Variants in AKAP6 observed in about 807,000 individuals in gnomAD.
AKAP6 encodes the protein A-kinase anchoring protein 6, also known as A-kinase anchor protein 6.
In AKAP6, 58 loss-of-function variants were observed where a neutral mutation model predicts 188.5. The observed-to-expected ratio is 0.31, with a 90% CI of 0.25 to 0.38. The LOEUF (loss-of-function observed/expected upper bound fraction) is 0.38. AKAP6 is among the 10% of genes least tolerant of loss of function. AKAP6 has a pLI of 1.00. For synonymous variants in AKAP6, 989 were observed against 998.6 expected, an observed-to-expected ratio of 0.99 and a Z score of 0.18; for missense variants, 2,710 against 2,740.0, an observed-to-expected ratio of 0.99 and a Z score of 0.24.
At chr14:32,413,312 A>G (rs1333550152) in intron 1 of AKAP6, among the ~76,000 whole-genome samples, 2 of 150,666 alleles carry the variant, frequency 1.3e-5, no homozygotes, top group East Asian at 3.9e-4. Flanking sequence ...CCTCCTGAGT[A>G]GCTGGGACCA....
chr14:32,471,892 T>C (rs1326373690), intron 2 of AKAP6, among the ~76,000 whole-genome samples: 1 of 152,218 alleles, frequency 6.6e-6, no homozygotes, highest in Non-Finnish European at 1.5e-5. Flanking sequence ...TCAGGATTTT[T>C]GTGCTGGCAC....
chr14:32,542,229 T>C (rs1882986403), intron 3 of AKAP6, among the ~76,000 whole-genome samples: 1 of 152,188 alleles, frequency 6.6e-6, no homozygotes, highest in African/African-American at 2.4e-5. Context: ...ACTTGGGCTT[T>C]TAATTATTGG....
intron 1 of AKAP6, chr14:32,376,173 A>T (rs940566737): frequency 1.3e-5 from 2 of 152,236 alleles, no homozygotes; most frequent in Admixed American, 6.5e-5. Context: ...ACCTATTCTA[A>T]CTTGTCTACC....
chr14:32,358,146 G>GAA (rs1887543269), intron 1 of AKAP6, among the ~76,000 whole-genome samples: 1 of 152,162 alleles, frequency 6.6e-6, no homozygotes, highest in Non-Finnish European at 1.5e-5. Context: ...AAAGCCTCAA[G>GAA]GGTTCTGAAA....
At chr14:32,643,302 ATTCTT>A (rs969641398) in intron 7 of AKAP6, among the ~76,000 whole-genome samples, 9 of 150,194 alleles carry the variant, frequency 6.0e-5, no homozygotes, top group African/African-American at 2.2e-4. Context: ...TTCTTCATAC[ATTCTT>A]TTCTTTTCTT....
intron 8 of AKAP6, among the ~76,000 whole-genome samples, chr14:32,679,006 T>G (rs78790608): frequency 0.023 from 3,559 of 152,260 alleles, 62 homozygotes; most frequent in Middle Eastern, 0.054. Context: ...CAGTGACCCA[T>G]CAACAATTTC....
chr14:32,797,089 C>T (rs1594955013), intron 12 of AKAP6, among the ~76,000 whole-genome samples: 2 of 152,252 alleles, frequency 1.3e-5, no homozygotes, highest in East Asian at 1.9e-4. Flanking sequence ...TACCATCTCA[C>T]GCCAGTCAGA....
At chr14:32,638,101 T>C (rs1281528639) in intron 7 of AKAP6, among the ~76,000 whole-genome samples, 1 of 152,056 alleles carries the variant, frequency 6.6e-6, no homozygotes, top group Non-Finnish European at 1.5e-5. Flanking sequence ...GACTGTCTTG[T>C]GCATATTATG....
chr14:32,732,775 G>GT, intron 10 of AKAP6, 175 bp downstream of exon 10: 2 of 741,864 alleles, frequency 2.7e-6, no homozygotes, highest in African/African-American at 2.0e-5. Context: ...CTCTTCTGTT[G>GT]ATTTTTTTTT....
chr14:32,585,282 C>G (rs1228833589), intron 5 of AKAP6, among the ~76,000 whole-genome samples: 1 of 152,120 alleles, frequency 6.6e-6, no homozygotes, highest in Non-Finnish European at 1.5e-5. Context: ...TGAAGTCAAA[C>G]CAATACCAGA....
chr14:32,616,874 ACTC>A (rs1886603507), intron 7 of AKAP6: 1 of 152,194 alleles, frequency 6.6e-6, no homozygotes, highest in African/African-American at 2.4e-5. Flanking sequence ...AGTTTTATAA[ACTC>A]AGTGGAATTT....
At chr14:32,349,834 G>A (rs1415136577) in intron 1 of AKAP6, among the ~76,000 whole-genome samples, 2 of 152,176 alleles carry the variant, frequency 1.3e-5, no homozygotes, top group African/African-American at 4.8e-5. Flanking sequence ...TTTTAGATGT[G>A]TGTTAGTGAG....
intron 7 of AKAP6, among the ~76,000 whole-genome samples, chr14:32,662,153 A>G (rs1373725514): frequency 6.6e-6 from 1 of 152,154 alleles, no homozygotes; most frequent in African/African-American, 2.4e-5. Flanking sequence ...TTTGGAATGA[A>G]ACTATAAAAT....
chr14:32,811,742 G>A (rs536736564), intron 12 of AKAP6, among the ~76,000 whole-genome samples: 1 of 152,224 alleles, frequency 6.6e-6, no homozygotes, highest in South Asian at 2.1e-4. Context: ...AAAGGGCACG[G>A]TTCCTAAACG....
chr14:32,378,058 T>A (rs1320591712), intron 1 of AKAP6, among the ~76,000 whole-genome samples: 1 of 152,190 alleles, frequency 6.6e-6, no homozygotes, highest in African/African-American at 2.4e-5. Flanking sequence ...CAGATCTGGC[T>A]GTGTATACTA....
chr14:32,706,806 C>G (rs1890829720), intron 9 of AKAP6, among the ~76,000 whole-genome samples: 1 of 152,012 alleles, frequency 6.6e-6, no homozygotes, highest in African/African-American at 2.4e-5. Flanking sequence ...ACACAAAACA[C>G]ACAAACACAC....
chr14:32,716,260 G>T (rs1047639736), intron 9 of AKAP6, among the ~76,000 whole-genome samples: 11 of 151,864 alleles, frequency 7.2e-5, no homozygotes, highest in African/African-American at 2.4e-4. Flanking sequence ...GGTTACATAT[G>T]TATAGGTTTT....
chr14:32,595,747 G>C (rs2139334553), intron 5 of AKAP6, among the ~76,000 whole-genome samples: 1 of 152,116 alleles, frequency 6.6e-6, no homozygotes, highest in African/African-American at 2.4e-5. Flanking sequence ...ATCCCATTGG[G>C]CAAGGCATAT....
chr14:32,502,917 C>A (rs959490804), intron 2 of AKAP6, among the ~76,000 whole-genome samples: 2 of 151,912 alleles, frequency 1.3e-5, no homozygotes, highest in African/African-American at 4.8e-5. Context: ...AGTCATTTCA[C>A]AAAAAATGTA....
Sources: gnomAD v4.1 joint callset for allele counts (sites outside exome capture counted in the v4.1 genomes callset) on GRCh38, gnomAD v4.1.1 for gene constraint, MANE v1.5 for transcripts, NCBI Gene and HGNC (gene_info 2026-07-23, HGNC 2026-07-21) for gene names.